Variants in TREML1 observed in about 807,000 individuals in gnomAD.
TREML1 encodes the protein trem-like transcript 1 protein.
Under a neutral mutation model 22.8 loss-of-function variants are expected in TREML1, and 27 were observed. That is an observed-to-expected ratio of 1.19 (90% CI 0.87 to 1.64). The LOEUF (loss-of-function observed/expected upper bound fraction) is 1.64. Ranked by LOEUF, TREML1 falls within the 40% of genes most tolerant of loss-of-function variation. The pLI is 0.00. For synonymous variants in TREML1, 153 were observed against 161.9 expected (o/e 0.94, Z 0.42); for missense variants, 356 against 382.0 (o/e 0.93, Z 0.57).
At chr6:41,152,643 C>T (rs537187554) in intron 2 of TREML1, among the ~76,000 whole-genome samples, 1 of 152,004 alleles carries the variant, frequency 6.6e-6, no homozygotes, top group South Asian at 2.1e-4. Flanking sequence ...GAGGCCAAGG[C>T]GGGCAGATCA....
At chr6:41,154,470 C>A, upstream of TREML1, 1 of 594,178 alleles carries the variant, frequency 1.7e-6, no homozygotes, top group Non-Finnish European at 3.0e-6. Context: ...TCAGGAACTG[C>A]CCTGAGGGTA....
intron 2 of TREML1, chr6:41,151,615 A>T (rs561312593): frequency 2.3e-5 from 12 of 528,984 alleles, no homozygotes; most frequent in Middle Eastern, 1.0e-3. Flanking sequence ...TTGTGACTAC[A>T]CCCACTTTTC....
intron 2 of TREML1, chr6:41,151,616 C>T (rs183395418): frequency 4.2e-4 from 224 of 530,390 alleles, no homozygotes; most frequent in African/African-American, 3.8e-3. Flanking sequence ...TGTGACTACA[C>T]CCACTTTTCC....
At chr6:41,153,281 G>T (rs1346672308) in intron 2 of TREML1, among the ~76,000 whole-genome samples, 1 of 146,410 alleles carries the variant, frequency 6.8e-6, no homozygotes, top group Non-Finnish European at 1.5e-5. Context: ...ACTTGTAGGT[G>T]AGACATACTA....
chr6:41,152,879 CA>C (rs1377269739), intron 2 of TREML1, among the ~76,000 whole-genome samples: 1 of 148,140 alleles, frequency 6.8e-6, no homozygotes, highest in Non-Finnish European at 1.5e-5. Context: ...TCAAACAAAA[CA>C]AAAAACAAGG....
chr6:41,153,947 C>T lies in TREML1; in HGVS notation c.187G>A (p.Val63Met). 1 of 1,614,228 alleles carries T rather than the reference C, an allele frequency of 6.2e-7. No homozygotes were observed. Among genetic ancestry groups the T allele is most frequent in the South Asian group, 1.1e-5 (1 of 91,086 alleles). The stretch of plus-strand genomic sequence containing the variant: ...GCTCTGCGATCCACAGCTGAGGACA[C>T]CAGGGGCTGGCACCCCTCCGGCAAG... ...RFLPEGCQPL[V>M]SSAVDRRAPA... Residue 63 changes from valine to methionine, a missense_variant, in exon 2 of 6, where the codon GTG (valine) becomes ATG (methionine). By Grantham distance (21) the Val-to-Met change is conservative. Transcript: ENST00000426005.
In TREML1 at chr6:41,149,753, A is replaced by T; in HGVS notation, c.787T>A (p.Ser263Thr). The T allele has an allele frequency of 6.2e-7, 1 of 1,614,168 alleles. No individual in the cohort carries two copies. ...TTAGGAGGTAGAGGGGGCAATGAGG[A>T]TGGAGCTGGGAGTGAAGGTTTTCCT... ...PSGKPSLPAP[S>T]SLPPLPPKVL... Residue 263 changes from serine to threonine, a missense_variant, in exon 6 of 6, where the codon TCC becomes ACC. By Grantham distance (58) the Ser-to-Thr change is moderately conservative. Transcript: ENST00000426005.
At chr6:41,153,690 A>G (rs1358106347) in intron 2 of TREML1, 68 bp downstream of exon 2, 1 of 1,474,506 alleles carries the variant, frequency 6.8e-7, no homozygotes. Flanking sequence ...AGAACCCATG[A>G]GCCCTGGCAA....
At chr6:41,150,933 G>T in intron 3 of TREML1, 26 bp from the exon 4 acceptor site, 1 of 1,606,226 alleles carries the variant, frequency 6.2e-7, no homozygotes, top group Non-Finnish European at 8.5e-7. Context: ...GGATAGGCAG[G>T]CTTAGACCTG....
rs1362435688 is a variant in TREML1 at position 41,151,110 on chromosome 6, A to G, written c.479+172T>C. Among the ~76,000 whole-genome samples, 3 of 152,330 alleles carry G rather than the reference A, an allele frequency of 2.0e-5. No homozygotes were observed. The East Asian group carries it at 5.8e-4, about 29-fold the overall frequency. The stretch of plus-strand genomic sequence containing the variant: ...GAAGAATCACCAGCATGAAGGCACC[A>G]TTGCTGACCCAGGACAGAGAAGTAT... On this transcript the variant is annotated intron_variant, in intron 3 of 5. Transcript: ENST00000426005.
intron 2 of TREML1, among the ~76,000 whole-genome samples, chr6:41,152,797 C>CG (rs1765299455): frequency 6.6e-6 from 1 of 151,930 alleles, no homozygotes; most frequent in Admixed American, 6.6e-5. Flanking sequence ...CACTTGAACC[C>CG]GAGAGGCCAA....
chr6:41,154,152 G>A, intron 1 of TREML1, 62 bp from the exon 2 acceptor site: 3 of 1,588,608 alleles, frequency 1.9e-6, no homozygotes, highest in Non-Finnish European at 2.6e-6. Context: ...CAGCCCAGCT[G>A]CTGGTATGGG....
chr6:41,154,121 G>A (rs1468331109), intron 1 of TREML1, 31 bp from the exon 2 acceptor site: 4 of 1,599,976 alleles, frequency 2.5e-6, no homozygotes, highest in Non-Finnish European at 3.4e-6. Flanking sequence ...GGAATTTTGG[G>A]CAGGAGCTGG....
At chr6:41,153,172 A>G (rs1050830822) in intron 2 of TREML1, among the ~76,000 whole-genome samples, 1 of 151,344 alleles carries the variant, frequency 6.6e-6, no homozygotes, top group Non-Finnish European at 1.5e-5. Flanking sequence ...TGTCTTTAAT[A>G]CTGAAAATAG....
Position 41,150,865 on chromosome 6 carries a change from C to A in TREML1, c.522G>T (p.Leu174=), listed in dbSNP as rs1582067197. The change falls in exon 4 of 6, where the codon CTG becomes CTT. Residue 174 remains leucine (L), a synonymous_variant. Coordinates refer to ENST00000426005, the MANE Select transcript of TREML1 (RefSeq NM_178174.4). ...IWGAVLLVGL[L]VAAVVLFAVM... ...CAGCAAACAGCACCACCGCTGCCAC[C>A]AGCAGACCTACCAGGAGCACAGCAC... is the stretch of plus-strand genomic sequence containing the variant. 1.2e-6 allele frequency: 2 copies of A among 1,614,118 alleles called. No individual in the cohort carries two copies. The highest frequency in any genetic ancestry group is 1.1e-5 in the South Asian group (1 of 91,066).
At position 41,151,395 on chromosome 6, in the gene TREML1, A is replaced by G; in HGVS notation, c.377-11T>C. Reference sequence around the variant, plus strand: ...TCTCTTCTTCTTCCTCTGTCAGGCCAGGAATGGAGTCAGAAGGAAACATTT... The same window carrying G: ...TCTCTTCTTCTTCCTCTGTCAGGCCGGGAATGGAGTCAGAAGGAAACATTT... On this transcript the variant is annotated splice_polypyrimidine_tract_variant and intron_variant, in intron 2 of 5. Coordinates refer to ENST00000426005, the MANE Select transcript of TREML1 (RefSeq NM_178174.4). 1 of 1,611,766 alleles carries G rather than the reference A, an allele frequency of 6.2e-7. No homozygotes were observed. The highest frequency in any genetic ancestry group is 1.1e-5 in the South Asian group (1 of 91,038).
In TREML1 at chr6:41,151,365, A is replaced by C. The variant is rs763980975; in HGVS notation, c.396T>G (p.His132Gln). The change falls in exon 3 of 6, where the codon CAT (histidine) becomes CAG (glutamine). Residue 132 changes from histidine to glutamine, a missense_variant. Physicochemically the swap from His to Gln is conservative, Grantham distance 24. Transcript: ENST00000426005. The stretch of plus-strand genomic sequence containing the variant: ...CGTTCTCAGCCAGACTGCCAATCTT[A>C]TGGGTCTCTTCTTCTTCCTCTGTCA... ...ILPPEEEEET[H>Q]KIGSLAENAF... 6 of 1,614,012 alleles carry C rather than the reference A, an allele frequency of 3.7e-6. No individual in the cohort carries two copies. The African/African-American group carries it at 5.3e-5, about 14-fold the overall frequency.
At chr6:41,151,483 G>A (rs1765245614) in intron 2 of TREML1, 99 bp from the exon 3 acceptor site, 2 of 1,090,906 alleles carry the variant, frequency 1.8e-6, no homozygotes, top group South Asian at 2.6e-5. Context: ...GACTGGAGGA[G>A]TGGAGCCAAG....
At chr6:41,152,385 A>T (rs1171964956) in intron 2 of TREML1, among the ~76,000 whole-genome samples, 1 of 152,154 alleles carries the variant, frequency 6.6e-6, no homozygotes, top group Non-Finnish European at 1.5e-5. Flanking sequence ...CCTCCCAGGG[A>T]GTCTCATCTT....
Sources: gnomAD v4.1 joint callset for allele counts (sites outside exome capture counted in the v4.1 genomes callset) on GRCh38, gnomAD v4.1.1 for gene constraint, MANE v1.5 for transcripts, NCBI Gene and HGNC (gene_info 2026-07-23, HGNC 2026-07-21) for gene names.